BTBD10: variants seen among roughly 807,000 people sequenced by gnomAD.
BTBD10 encodes the protein BTB/POZ domain-containing protein 10.
Under a neutral mutation model 53.2 loss-of-function variants are expected in BTBD10, and 21 were observed. That is an observed-to-expected ratio of 0.39 (90% CI 0.28 to 0.57). The LOEUF (loss-of-function observed/expected upper bound fraction) is 0.57, where lower values mean the gene tolerates loss of function less well. Ranked by LOEUF, BTBD10 falls within the 20% of genes least tolerant of loss-of-function variation. The pLI is 0.53. For synonymous variants in BTBD10, 149 were observed against 192.7 expected (o/e 0.77, Z 1.88); for missense variants, 360 against 594.7 (o/e 0.61, Z 4.10).
chr11:13,392,532 T>C (rs1949435795), intron 8 of BTBD10, among the ~76,000 whole-genome samples: 1 of 152,116 alleles, frequency 6.6e-6, no homozygotes, highest in Admixed American at 6.5e-5. Context: ...AAAGAGTAAA[T>C]TATACTCTTT....
chr11:13,457,261 T>C (rs1950990380), intron 1 of BTBD10, among the ~76,000 whole-genome samples: 2 of 152,170 alleles, frequency 1.3e-5, no homozygotes, highest in South Asian at 4.1e-4. Context: ...ATACTACACA[T>C]ACACTTACTA....
chr11:13,423,278 G>C (rs1391157354), intron 2 of BTBD10, among the ~76,000 whole-genome samples: 2 of 152,122 alleles, frequency 1.3e-5, no homozygotes, highest in African/African-American at 4.8e-5. Flanking sequence ...CATGGCTTTA[G>C]AGTAAAATTG....
At chr11:13,451,814 A>G (rs1181133572) in intron 1 of BTBD10, among the ~76,000 whole-genome samples, 1 of 152,204 alleles carries the variant, frequency 6.6e-6, no homozygotes, top group East Asian at 1.9e-4. Context: ...CACCTATTAT[A>G]AATATATTCA....
At chr11:13,403,424 G>C in intron 7 of BTBD10, 146 bp from the exon 8 acceptor site, 1 of 480,576 alleles carries the variant, frequency 2.1e-6, no homozygotes. Flanking sequence ...TAGCCAACAT[G>C]ACAGGGCAGT....
chr11:13,432,270 C>T (rs542771302), intron 2 of BTBD10, among the ~76,000 whole-genome samples: 81 of 152,020 alleles, frequency 5.3e-4, no homozygotes, highest in African/African-American at 1.8e-3. Flanking sequence ...TAGAAGAGTT[C>T]TATATCCTGA....
intron 1 of BTBD10, among the ~76,000 whole-genome samples, chr11:13,448,124 TACAATA>T (rs1352815361): frequency 6.6e-5 from 10 of 152,284 alleles, no homozygotes; most frequent in Admixed American, 6.5e-4. Context: ...AAGCATTTAC[TACAATA>T]TGCCAATATG....
chr11:13,405,796 T>A lies in BTBD10; in HGVS notation c.869A>T (p.Glu290Val). 2.5e-6 allele frequency: 4 copies of A among 1,613,730 alleles called. No individual in the cohort carries two copies. Among genetic ancestry groups the A allele is most frequent in the Non-Finnish European group, 3.4e-6 (4 of 1,179,730 alleles). The change falls in exon 7 of 9, where the codon GAA becomes GTA. Residue 290 changes from glutamate (E) to valine (V), a missense_variant. Transcript: ENST00000278174. Reference sequence around the variant, plus strand: ...TACCATGAGAGGGAGGATCATTTCTTCCAGATAAAATTCAAATTGTCTACG... The same window carrying A: ...TACCATGAGAGGGAGGATCATTTCTACCAGATAAAATTCAAATTGTCTACG... Reference protein sequence around the residue: ...GARRQFEFYLEEMILPLMVAS... With the variant: ...GARRQFEFYLVEMILPLMVAS...
chr11:13,409,337 T>C (rs1458706907), intron 6 of BTBD10, among the ~76,000 whole-genome samples: 1 of 152,224 alleles, frequency 6.6e-6, no homozygotes, highest in Admixed American at 6.5e-5. Flanking sequence ...ATATATGATT[T>C]ATTTACTTTG....
intron 3 of BTBD10, among the ~76,000 whole-genome samples, chr11:13,420,897 A>G (rs1332199476): frequency 2.0e-5 from 3 of 152,192 alleles, no homozygotes; most frequent in Non-Finnish European, 4.4e-5. Flanking sequence ...GCTTATAAGT[A>G]CAAGTCTGAC....
At chr11:13,412,911 G>A (rs1949994487) in intron 6 of BTBD10, among the ~76,000 whole-genome samples, 1 of 152,088 alleles carries the variant, frequency 6.6e-6, no homozygotes, top group African/African-American at 2.4e-5. Context: ...TGGGAGTAGG[G>A]GTGCTGAAGA....
intron 1 of BTBD10, among the ~76,000 whole-genome samples, chr11:13,460,981 T>C (rs931644881): frequency 2.0e-5 from 3 of 152,238 alleles, no homozygotes; most frequent in Non-Finnish European, 4.4e-5. Flanking sequence ...AGATGCTTTT[T>C]CTTCAGTTAT....
chr11:13,398,691 T>C (rs1949627397), intron 8 of BTBD10, among the ~76,000 whole-genome samples: 2 of 152,234 alleles, frequency 1.3e-5, no homozygotes, highest in Non-Finnish European at 2.9e-5. Context: ...TGGTTGTTCC[T>C]TCCCATATTT....
intron 8 of BTBD10, among the ~76,000 whole-genome samples, chr11:13,400,386 C>G (rs980545592): frequency 6.6e-6 from 1 of 152,156 alleles, no homozygotes; most frequent in African/African-American, 2.4e-5. Context: ...GTTTGTGAAG[C>G]CCGTTGGAAA....
chr11:13,447,361 A>G (rs1309798081), intron 1 of BTBD10, among the ~76,000 whole-genome samples: 3 of 152,110 alleles, frequency 2.0e-5, no homozygotes, highest in African/African-American at 7.2e-5. Context: ...GGCTCAAATG[A>G]TCCTCCCACT....
intron 2 of BTBD10, among the ~76,000 whole-genome samples, chr11:13,432,969 A>G (rs1273010283): frequency 2.6e-5 from 4 of 152,176 alleles, no homozygotes; most frequent in African/African-American, 7.2e-5. Context: ...AGTAGCACTC[A>G]TATCAGAAAA....
At chr11:13,425,005 G>C (rs1375909091) in intron 2 of BTBD10, among the ~76,000 whole-genome samples, 1 of 151,928 alleles carries the variant, frequency 6.6e-6, no homozygotes, top group African/African-American at 2.4e-5. Context: ...AGAGAGGAGA[G>C]TGTAACACAG....
intron 2 of BTBD10, among the ~76,000 whole-genome samples, chr11:13,424,220 C>A (rs973482853): frequency 6.6e-6 from 1 of 152,092 alleles, no homozygotes; most frequent in African/African-American, 2.4e-5. Flanking sequence ...GGACAAGGTA[C>A]AAGCACAACA....
chr11:13,399,255 C>CT (rs1949644365), intron 8 of BTBD10, among the ~76,000 whole-genome samples: 1 of 152,090 alleles, frequency 6.6e-6, no homozygotes. Flanking sequence ...TCTTTTTATT[C>CT]TTTTTTCTCT....
intron 8 of BTBD10, among the ~76,000 whole-genome samples, chr11:13,399,765 A>T (rs1949662645): frequency 6.6e-6 from 1 of 152,206 alleles, no homozygotes; most frequent in South Asian, 2.1e-4. Flanking sequence ...TCCTTCTAAC[A>T]GACAGGACCC....
Sources: allele counts gnomAD v4.1 joint callset (sites outside exome capture counted in the v4.1 genomes callset), GRCh38; gene constraint gnomAD v4.1.1; transcripts MANE v1.5; gene names NCBI Gene and HGNC (gene_info 2026-07-23, HGNC 2026-07-21).